Variants in PALLD observed in about 807,000 individuals in gnomAD.
The protein encoded by PALLD is palladin, cytoskeletal associated protein, also known as palladin.
A neutral mutation model predicts 123.5 loss-of-function variants in PALLD; 61 were observed. The observed-to-expected ratio is 0.49, with a 90% CI of 0.40 to 0.61. The LOEUF (loss-of-function observed/expected upper bound fraction) is 0.61. PALLD is among the 20% of genes least tolerant of loss of function. The pLI is 0.00. For missense variants in PALLD, 1,273 were observed against 1,377.0 expected, an observed-to-expected ratio of 0.92 and a Z score of 1.20; for synonymous variants, 465 against 496.4, an observed-to-expected ratio of 0.94 and a Z score of 0.84.
At chr4:168,856,659 AC>A (rs1210299650) in intron 10 of PALLD, among the ~76,000 whole-genome samples, 1 of 152,158 alleles carries the variant, frequency 6.6e-6, no homozygotes, top group Non-Finnish European at 1.5e-5. Flanking sequence ...GAAATATATG[AC>A]CCCCATTTTA....
chr4:168,877,955 C>T lies in PALLD; in HGVS notation c.1965-12967C>T. 6.7e-7 allele frequency: 1 copy of T among 1,501,636 alleles called. No individual in the cohort carries two copies. Among genetic ancestry groups the T allele is most frequent in the Non-Finnish European group, 8.8e-7 (1 of 1,130,712 alleles). The allele number at this position is 1,501,636 out of a possible 1,614,324, so 93.0% of individuals were successfully genotyped here. A position where few individuals can be genotyped will look rare whatever the true frequency, so the allele number is the denominator to read the frequency against. On this transcript the variant is annotated intron_variant, in intron 10 of 21. Coordinates refer to ENST00000505667, the MANE Select transcript of PALLD (RefSeq NM_001166108.2). Reference sequence around the variant, plus strand: ...GTCCTCCGGCTCCTTCAACTACGCGCGCCCCAAGCAGTTCATCGCCGCGCA... The same window carrying T: ...GTCCTCCGGCTCCTTCAACTACGCGTGCCCCAAGCAGTTCATCGCCGCGCA...
chr4:168,525,552 C>G (rs1298654407), intron 2 of PALLD, among the ~76,000 whole-genome samples: 5 of 152,172 alleles, frequency 3.3e-5, no homozygotes, highest in Admixed American at 6.5e-5. Context: ...CTCAGCTCTA[C>G]AAATATCTTG....
At chr4:168,676,801 G>C (rs1780895679) in intron 3 of PALLD, among the ~76,000 whole-genome samples, 1 of 151,278 alleles carries the variant, frequency 6.6e-6, no homozygotes, top group Non-Finnish European at 1.5e-5. Flanking sequence ...GGATGGTCTC[G>C]ATCTCCTGAC....
chr4:168,604,670 T>C (rs1001482450), intron 2 of PALLD, among the ~76,000 whole-genome samples: 3 of 152,226 alleles, frequency 2.0e-5, no homozygotes, highest in African/African-American at 7.2e-5. Context: ...TTACATAAAG[T>C]GCATGTCTCT....
intron 8 of PALLD, among the ~76,000 whole-genome samples, chr4:168,695,887 T>G (rs1783084402): frequency 6.6e-6 from 1 of 152,136 alleles, no homozygotes; most frequent in African/African-American, 2.4e-5. Context: ...TTAAAAAGTA[T>G]TGAGAAACTT....
chr4:168,502,876 G>A (rs555669667), intron 1 of PALLD, among the ~76,000 whole-genome samples: 2 of 152,244 alleles, frequency 1.3e-5, no homozygotes, highest in Admixed American at 1.3e-4. Flanking sequence ...TGCAGTCCAG[G>A]CCGGGAGACA....
chr4:168,866,233 C>T (rs1391547804), intron 10 of PALLD, among the ~76,000 whole-genome samples: 1 of 152,222 alleles, frequency 6.6e-6, no homozygotes, highest in Non-Finnish European at 1.5e-5. Flanking sequence ...CCACTTTACT[C>T]CAGCCTGGGT....
chr4:168,904,852 T>C (rs2151314740), intron 15 of PALLD, among the ~76,000 whole-genome samples: 1 of 152,242 alleles, frequency 6.6e-6, no homozygotes, highest in East Asian at 1.9e-4. Context: ...CTGGCCCAGG[T>C]GCAGTGGCTC....
At chr4:168,702,363 C>T (rs1196733639) in intron 8 of PALLD, among the ~76,000 whole-genome samples, 1 of 152,062 alleles carries the variant, frequency 6.6e-6, no homozygotes, top group African/African-American at 2.4e-5. Context: ...CCAGCCTGAC[C>T]AACATGGTGA....
intron 2 of PALLD, among the ~76,000 whole-genome samples, chr4:168,651,051 A>C (rs1777989447): frequency 6.6e-6 from 1 of 152,218 alleles, no homozygotes; most frequent in East Asian, 1.9e-4. Flanking sequence ...TCGTAATTAA[A>C]CTTAGCTAAT....
chr4:168,554,833 T>C (rs1767106299), intron 2 of PALLD, among the ~76,000 whole-genome samples: 1 of 152,142 alleles, frequency 6.6e-6, no homozygotes. Flanking sequence ...TTCACTGATA[T>C]TTTAAAGAAA....
At chr4:168,808,285 C>T (rs1414904076) in intron 10 of PALLD, among the ~76,000 whole-genome samples, 1 of 151,574 alleles carries the variant, frequency 6.6e-6, no homozygotes, top group East Asian at 2.0e-4. Context: ...TCGAGACCAT[C>T]CTGGCTAACA....
chr4:168,693,044 C>T (rs1310388045), intron 8 of PALLD, among the ~76,000 whole-genome samples: 1 of 152,196 alleles, frequency 6.6e-6, no homozygotes, highest in Admixed American at 6.5e-5. Flanking sequence ...AACATCTCCC[C>T]CGCACCCTGC....
intron 15 of PALLD, among the ~76,000 whole-genome samples, chr4:168,905,780 GCTTT>G (rs1319287522): frequency 1.5e-5 from 2 of 135,358 alleles, no homozygotes; most frequent in African/African-American, 5.3e-5. Context: ...AGCGGAACTT[GCTTT>G]TTTTTCTTTT....
intron 2 of PALLD, among the ~76,000 whole-genome samples, chr4:168,577,127 A>G (rs780808548): frequency 1.1e-4 from 16 of 152,310 alleles, no homozygotes; most frequent in Non-Finnish European, 2.2e-4. Context: ...TGAACAGAAA[A>G]AGGAAAATGA....
At chr4:168,682,964 A>G in intron 4 of PALLD, 34 bp from the exon 5 acceptor site, 1 of 1,284,812 alleles carries the variant, frequency 7.8e-7, no homozygotes, top group Non-Finnish European at 1.1e-6. Flanking sequence ...AACAAAAAAT[A>G]TTCTGACTAA....
chr4:168,808,504 A>C (rs1740570992), intron 10 of PALLD, among the ~76,000 whole-genome samples: 1 of 152,148 alleles, frequency 6.6e-6, no homozygotes, highest in Admixed American at 6.5e-5. Context: ...AAACAAAAAA[A>C]CATATTTGTG....
intron 10 of PALLD, among the ~76,000 whole-genome samples, chr4:168,756,965 A>G (rs1302321628): frequency 6.6e-6 from 1 of 152,240 alleles, no homozygotes; most frequent in East Asian, 1.9e-4. Flanking sequence ...CCAGATGAGG[A>G]CGATGTTTCA....
At chr4:168,857,859 G>A (rs1748824918) in intron 10 of PALLD, among the ~76,000 whole-genome samples, 1 of 152,148 alleles carries the variant, frequency 6.6e-6, no homozygotes, top group South Asian at 2.1e-4. Context: ...CATAACACAG[G>A]CATATATCCA....
Sources: gnomAD v4.1 joint callset for allele counts (sites outside exome capture counted in the v4.1 genomes callset) on GRCh38, gnomAD v4.1.1 for gene constraint, MANE v1.5 for transcripts, NCBI Gene and HGNC (gene_info 2026-07-23, HGNC 2026-07-21) for gene names.